PCCA: variants seen among roughly 807,000 people sequenced by gnomAD.
PCCA encodes the protein propionyl-CoA carboxylase alpha chain, mitochondrial.
A neutral mutation model predicts 101.3 loss-of-function variants in PCCA; 74 were observed. That is an observed-to-expected ratio of 0.73 (90% confidence interval 0.61 to 0.89). The LOEUF is 0.89. Among genes scored for constraint, PCCA ranks in the 40% least tolerant of loss-of-function variants. PCCA has a pLI of 0.00. For missense variants in PCCA, 891 were observed against 907.0 expected, an observed-to-expected ratio of 0.98 and a Z score of 0.23; for synonymous variants, 294 against 313.6, an observed-to-expected ratio of 0.94 and a Z score of 0.66.
intron 2 of PCCA, among the ~76,000 whole-genome samples, chr13:100,103,392 A>AG (rs1481266466): frequency 2.0e-5 from 3 of 150,704 alleles, no homozygotes; most frequent in African/African-American, 7.3e-5. Context: ...GCTCACTGCA[A>AG]CCTACGCCTC....
intron 19 of PCCA, among the ~76,000 whole-genome samples, chr13:100,415,236 C>T (rs2078286921): frequency 1.5e-5 from 1 of 67,132 alleles, no homozygotes; most frequent in Non-Finnish European, 3.2e-5. Context: ...GACCACACCT[C>T]TACAAAAAAA....
chr13:100,364,011 G>A (rs572721657), intron 18 of PCCA, among the ~76,000 whole-genome samples: 1 of 152,286 alleles, frequency 6.6e-6, no homozygotes, highest in Admixed American at 6.5e-5. Flanking sequence ...TGATAAAGTG[G>A]ACAGACCTGG....
At chr13:100,483,827 C>G (rs138446370) in intron 21 of PCCA, among the ~76,000 whole-genome samples, 3 of 152,284 alleles carry the variant, frequency 2.0e-5, no homozygotes, top group African/African-American at 7.2e-5. Flanking sequence ...GAGCACCTCC[C>G]TAATCTGCAC....
intron 21 of PCCA, among the ~76,000 whole-genome samples, chr13:100,451,146 G>A (rs1376853852): frequency 6.6e-6 from 1 of 152,036 alleles, no homozygotes; most frequent in Non-Finnish European, 1.5e-5. Context: ...GCCTTTAACG[G>A]GTTGGATGAG....
intron 22 of PCCA, among the ~76,000 whole-genome samples, chr13:100,525,769 C>T (rs7326430): frequency 0.018 from 2,673 of 152,198 alleles, 73 homozygotes; most frequent in African/African-American, 0.06. Flanking sequence ...GGCGGGGGGA[C>T]GGGGCTCTGG....
At chr13:100,284,298 C>T (rs560211279) in intron 12 of PCCA, among the ~76,000 whole-genome samples, 34 of 152,292 alleles carry the variant, frequency 2.2e-4, no homozygotes, top group African/African-American at 6.7e-4. Context: ...GAGCTATTAT[C>T]TACATGAATA....
intron 20 of PCCA, among the ~76,000 whole-genome samples, chr13:100,439,544 A>G (rs2080191669): frequency 6.6e-6 from 1 of 152,014 alleles, no homozygotes; most frequent in Non-Finnish European, 1.5e-5. Context: ...TACTATGTCT[A>G]TATTCCTGTG....
intron 8 of PCCA, among the ~76,000 whole-genome samples, chr13:100,252,814 C>T (rs566122870): frequency 3.3e-5 from 5 of 152,340 alleles, no homozygotes; most frequent in Admixed American, 3.3e-4. Context: ...CTGTTGCTAG[C>T]TGGACTGCTG....
At chr13:100,452,451 G>A (rs1256289304) in intron 21 of PCCA, among the ~76,000 whole-genome samples, 1 of 152,196 alleles carries the variant, frequency 6.6e-6, no homozygotes, top group Middle Eastern at 3.4e-3. Flanking sequence ...CAGACCTGCT[G>A]GGCACATGCC....
chr13:100,372,539 A>T (rs531740781), intron 19 of PCCA, among the ~76,000 whole-genome samples: 2 of 152,274 alleles, frequency 1.3e-5, no homozygotes, highest in East Asian at 3.9e-4. Flanking sequence ...CAGAATTTTC[A>T]TCCCTCCTTT....
intron 4 of PCCA, among the ~76,000 whole-genome samples, chr13:100,144,017 G>T (rs1566568906): frequency 6.6e-6 from 1 of 151,994 alleles, no homozygotes; most frequent in East Asian, 1.9e-4. Flanking sequence ...TCCCATCTTG[G>T]CCTCCGAAAG....
chr13:100,249,365 A>G (rs1594925552), intron 8 of PCCA, among the ~76,000 whole-genome samples: 1 of 152,206 alleles, frequency 6.6e-6, no homozygotes, highest in Admixed American at 6.5e-5. Context: ...ATCTGCATTT[A>G]ATTGCCATTG....
intron 7 of PCCA, among the ~76,000 whole-genome samples, chr13:100,221,332 C>T (rs755651837): frequency 2.6e-5 from 4 of 152,188 alleles, no homozygotes; most frequent in Admixed American, 6.5e-5. Flanking sequence ...CTGAGGGGGT[C>T]GCTCAGTGGG....
intron 18 of PCCA, among the ~76,000 whole-genome samples, chr13:100,362,922 T>C (rs2074780180): frequency 1.3e-5 from 2 of 152,336 alleles, no homozygotes; most frequent in South Asian, 4.1e-4. Flanking sequence ...AGAGGTTCTC[T>C]GAAAATGCTG....
intron 4 of PCCA, among the ~76,000 whole-genome samples, chr13:100,151,396 A>G (rs904060955): frequency 2.0e-5 from 3 of 152,216 alleles, no homozygotes; most frequent in Admixed American, 6.5e-5. Flanking sequence ...GTTCGAGACC[A>G]GCCTGACCCA....
chr13:100,282,571 G>A (rs1470074291), intron 12 of PCCA, among the ~76,000 whole-genome samples: 1 of 152,208 alleles, frequency 6.6e-6, no homozygotes, highest in Non-Finnish European at 1.5e-5. Context: ...TAGCACCCGG[G>A]CCAGCGGCTG....
intron 9 of PCCA, among the ~76,000 whole-genome samples, chr13:100,260,834 A>G (rs1268893947): frequency 6.6e-6 from 1 of 151,916 alleles, no homozygotes; most frequent in Non-Finnish European, 1.5e-5. Flanking sequence ...AAATTTTTCT[A>G]TTAGTAGTCT....
At chr13:100,256,955 G>A (rs1338803891) in intron 8 of PCCA, among the ~76,000 whole-genome samples, 1 of 152,166 alleles carries the variant, frequency 6.6e-6, no homozygotes, top group African/African-American at 2.4e-5. Context: ...AGCTGGAAGT[G>A]TGCTTTGTTT....
intron 22 of PCCA, among the ~76,000 whole-genome samples, chr13:100,521,007 G>C (rs1379848013): frequency 1.3e-5 from 2 of 152,116 alleles, no homozygotes; most frequent in Admixed American, 1.3e-4. Flanking sequence ...TCCTTTCACG[G>C]AGCGCTTTCA....
Sources: gnomAD v4.1 joint callset for allele counts (sites outside exome capture counted in the v4.1 genomes callset) on GRCh38, gnomAD v4.1.1 for gene constraint, MANE v1.5 for transcripts, NCBI Gene and HGNC (gene_info 2026-07-23, HGNC 2026-07-21) for gene names.